The following ANTXR2 variants were observed in gnomAD, a reference collection of about 807,000 sequenced individuals.
ANTXR2 encodes the protein ANTXR cell adhesion molecule 2, also known as anthrax toxin receptor 2.
Under a neutral mutation model 73.7 loss-of-function variants are expected in ANTXR2, and 44 were observed. The ratio of observed to expected loss-of-function variants is 0.60; its 90% confidence interval spans 0.47 to 0.77. ANTXR2 has a LOEUF of 0.77. Ranked by LOEUF, ANTXR2 falls within the 30% of genes least tolerant of loss-of-function variation. ANTXR2 has a pLI of 0.00. For missense variants in ANTXR2, 604 were observed against 592.5 expected (o/e 1.02, Z -0.20); for synonymous variants, 217 against 205.9 (o/e 1.05, Z -0.46).
At chr4:80,033,851 C>A (rs1732822310) in intron 8 of ANTXR2, among the ~76,000 whole-genome samples, 1 of 151,962 alleles carries the variant, frequency 6.6e-6, no homozygotes, top group Non-Finnish European at 1.5e-5. Context: ...AGAACAGAAG[C>A]ATTAACAGTC....
At chr4:80,053,964 A>C (rs1733873445) in intron 7 of ANTXR2, among the ~76,000 whole-genome samples, 1 of 151,710 alleles carries the variant, frequency 6.6e-6, no homozygotes, top group Admixed American at 6.6e-5. Flanking sequence ...AAAACCTATA[A>C]AACTTTCAGG....
At chr4:79,934,542 C>CAA (rs755634385) in intron 16 of ANTXR2, among the ~76,000 whole-genome samples, 182 of 138,300 alleles carry the variant, frequency 1.3e-3, no homozygotes, top group East Asian at 3.5e-3. Context: ...ACAACAACAA[C>CAA]AAAAAAAAAA....
intron 10 of ANTXR2, among the ~76,000 whole-genome samples, chr4:80,023,029 G>A (rs1370886743): frequency 6.6e-6 from 1 of 152,102 alleles, no homozygotes; most frequent in African/African-American, 2.4e-5. Flanking sequence ...TTGTCTAATG[G>A]ATTATTTAGA....
At chr4:79,927,050 C>CAT (rs377515696) in intron 16 of ANTXR2, among the ~76,000 whole-genome samples, 5 of 91,130 alleles carry the variant, frequency 5.5e-5, no homozygotes, top group Non-Finnish European at 1.0e-4. Flanking sequence ...TATATATGTG[C>CAT]GTGTGTGTGT....
chr4:79,910,570 T>C (rs974686351), intron 16 of ANTXR2, among the ~76,000 whole-genome samples: 4 of 147,980 alleles, frequency 2.7e-5, no homozygotes, highest in Non-Finnish European at 6.0e-5. Flanking sequence ...AAAACAGATA[T>C]TGTTGTTATC....
intron 7 of ANTXR2, among the ~76,000 whole-genome samples, chr4:80,050,430 G>A: frequency 6.6e-6 from 1 of 151,512 alleles, no homozygotes. Flanking sequence ...CTCTCTCAGT[G>A]GACTGCCCGA....
chr4:79,908,162 G>C (rs958891411), intron 16 of ANTXR2, among the ~76,000 whole-genome samples: 4 of 152,140 alleles, frequency 2.6e-5, no homozygotes, highest in Non-Finnish European at 5.9e-5. Context: ...TTTCCAATTA[G>C]TGATAAAAGA....
At chr4:79,933,140 A>G (rs1728125321) in intron 16 of ANTXR2, among the ~76,000 whole-genome samples, 1 of 152,234 alleles carries the variant, frequency 6.6e-6, no homozygotes, top group African/African-American at 2.4e-5. Flanking sequence ...AGTGGACTAT[A>G]GTAAATCTGC....
intron 16 of ANTXR2, among the ~76,000 whole-genome samples, chr4:79,935,553 AG>A (rs33970921): frequency 0.36 from 54,131 of 151,892 alleles, 12,012 homozygotes; most frequent in Non-Finnish European, 0.47. Context: ...AGAAAATGCC[AG>A]AAGGAGCTTT....
At chr4:79,945,525 G>A (rs1287278299) in intron 16 of ANTXR2, among the ~76,000 whole-genome samples, 1 of 151,980 alleles carries the variant, frequency 6.6e-6, no homozygotes, top group Non-Finnish European at 1.5e-5. Flanking sequence ...ATAAAGCAGG[G>A]AGTTTATATA....
intron 3 of ANTXR2, among the ~76,000 whole-genome samples, chr4:80,066,219 C>A (rs1179388735): frequency 6.6e-6 from 1 of 152,118 alleles, no homozygotes; most frequent in African/African-American, 2.4e-5. Flanking sequence ...ACTTTATATA[C>A]ATTATCTTAT....
At chr4:79,948,643 A>G (rs1382979348) in intron 16 of ANTXR2, among the ~76,000 whole-genome samples, 1 of 152,162 alleles carries the variant, frequency 6.6e-6, no homozygotes, top group Non-Finnish European at 1.5e-5. Context: ...CATTATGATG[A>G]CTTAAATTCG....
intron 16 of ANTXR2, among the ~76,000 whole-genome samples, chr4:79,929,330 T>C (rs1727966915): frequency 6.6e-6 from 1 of 152,132 alleles, no homozygotes; most frequent in African/African-American, 2.4e-5. Context: ...CTGGCCAAGA[T>C]GGCAAAACCC....
Position 80,072,863 on chromosome 4 carries a change from C to T in ANTXR2, c.-303G>A. ...GGAGAGTTCCTGCAGACAATGCGGG[C>T]CCACGGCGACAGCTCGCGAAAGGAG... On this transcript the variant is annotated 5_prime_UTR_variant, in exon 1 of 17. Coordinates refer to ENST00000403729, the MANE Select transcript of ANTXR2 (RefSeq NM_058172.6). The T allele has an allele frequency of 2.2e-6, 1 of 454,716 alleles. No homozygotes were observed. Among genetic ancestry groups the T allele is most frequent in the Non-Finnish European group, 3.3e-6 (1 of 301,302 alleles). The allele number at this position is 454,716 out of a possible 1,614,324, so 28.2% of individuals were successfully genotyped here.
intron 12 of ANTXR2, among the ~76,000 whole-genome samples, chr4:79,996,672 C>T (rs1042925519): frequency 2.0e-5 from 3 of 151,846 alleles, no homozygotes; most frequent in Non-Finnish European, 2.9e-5. Flanking sequence ...TCCTACATTT[C>T]AGTAAAACTA....
chr4:80,057,308 C>T (rs1402177684), intron 3 of ANTXR2, among the ~76,000 whole-genome samples: 3 of 151,944 alleles, frequency 2.0e-5, no homozygotes, highest in East Asian at 1.9e-4. Flanking sequence ...GTTTATATCA[C>T]ATGCGGTTAT....
intron 16 of ANTXR2, among the ~76,000 whole-genome samples, chr4:79,946,016 CTAA>C (rs992649153): frequency 3.9e-5 from 6 of 152,040 alleles, no homozygotes; most frequent in African/African-American, 9.7e-5. Context: ...CATGGTAAAA[CTAA>C]TAATAACAAA....
intron 12 of ANTXR2, among the ~76,000 whole-genome samples, chr4:79,986,778 C>T (rs1210076979): frequency 6.6e-6 from 1 of 152,128 alleles, no homozygotes. Flanking sequence ...GGGAACACCC[C>T]AGTCCTTCCA....
At chr4:80,009,322 G>T (rs189244483) in intron 11 of ANTXR2, among the ~76,000 whole-genome samples, 158 of 152,266 alleles carry the variant, frequency 1.0e-3, no homozygotes, top group African/African-American at 3.5e-3. Context: ...CTCATATTAA[G>T]TCACTTCATG....
Sources: allele counts gnomAD v4.1 joint callset (sites outside exome capture counted in the v4.1 genomes callset), GRCh38; gene constraint gnomAD v4.1.1; transcripts MANE v1.5; gene names NCBI Gene and HGNC (gene_info 2026-07-23, HGNC 2026-07-21).